The following HS6ST3 variants were observed in gnomAD, a reference collection of about 807,000 sequenced individuals.
HS6ST3 encodes the protein heparan-sulfate 6-O-sulfotransferase 3.
HS6ST3 carries 12 observed loss-of-function variants against 36.7 expected under a neutral mutation model. The observed-to-expected ratio is 0.33, with a 90% CI of 0.21 to 0.53. HS6ST3 has a LOEUF of 0.53. HS6ST3 is among the 20% of genes least tolerant of loss of function. The pLI, the probability that HS6ST3 is intolerant of heterozygous loss-of-function variation, is 0.95. For missense variants in HS6ST3, 584 were observed against 640.9 expected, an observed-to-expected ratio of 0.91 and a Z score of 0.96; for synonymous variants, 240 against 257.5, an observed-to-expected ratio of 0.93 and a Z score of 0.65.
Position 96,832,907 on chromosome 13 carries a change from C to G in HS6ST3, c.1125C>G (p.Pro375=). The change falls in exon 2 of 2, where the codon CCC becomes CCG. Residue 375 remains proline, a synonymous_variant. Transcript: ENST00000376705. ...ERTFNLKFIS[P]FTQFNITRAS... ...CATTCAACCTCAAGTTCATCTCCCC[C>G]TTCACACAGTTCAACATCACGCGGG... 1 of 1,614,204 alleles carries G rather than the reference C, an allele frequency of 6.2e-7. No homozygotes were observed. Among genetic ancestry groups the G allele is most frequent in the Non-Finnish European group, 8.5e-7 (1 of 1,180,030 alleles).
intron 1 of HS6ST3, among the ~76,000 whole-genome samples, chr13:96,503,397 A>C (rs901739884): frequency 1.7e-4 from 26 of 152,230 alleles, no homozygotes; most frequent in African/African-American, 5.8e-4. Flanking sequence ...ATGAATTCAC[A>C]GAAAACAATT....
intron 1 of HS6ST3, among the ~76,000 whole-genome samples, chr13:96,591,468 G>T (rs895484177): frequency 2.0e-5 from 3 of 151,930 alleles, no homozygotes; most frequent in Admixed American, 1.3e-4. Context: ...TTCTAAATGG[G>T]ATTACTTTTT....
At chr13:96,639,608 G>T (rs1445857669) in intron 1 of HS6ST3, among the ~76,000 whole-genome samples, 1 of 151,862 alleles carries the variant, frequency 6.6e-6, no homozygotes, top group Non-Finnish European at 1.5e-5. Flanking sequence ...TGGATATATT[G>T]TGTGGTGCTG....
chr13:96,289,887 A>G lies in HS6ST3; in HGVS notation c.707+198318A>G, dbSNP rs548364195. ...GTTAGCGAGTGTGAGGATTAAAGAA[A>G]GAGAAGCAAGAGAACATGACGTGTT... On this transcript the variant is annotated intron_variant, in intron 1 of 1. Coordinates refer to ENST00000376705, the MANE Select transcript of HS6ST3 (RefSeq NM_153456.4). 2.0e-5 allele frequency among the ~76,000 whole-genome samples: 3 copies of G among 152,272 alleles called. No individual in the cohort carries two copies. The South Asian group carries it at 6.2e-4, about 32-fold the overall frequency.
At chr13:96,661,951 G>T (rs1415379252) in intron 1 of HS6ST3, among the ~76,000 whole-genome samples, 1 of 152,058 alleles carries the variant, frequency 6.6e-6, no homozygotes, top group African/African-American at 2.4e-5. Context: ...TAAATTTTCT[G>T]CTAAGAAGTC....
At chr13:96,741,896 G>A (rs1876447515) in intron 1 of HS6ST3, among the ~76,000 whole-genome samples, 1 of 151,984 alleles carries the variant, frequency 6.6e-6, no homozygotes, top group African/African-American at 2.4e-5. Flanking sequence ...TGAATACGGG[G>A]GTCTGATGAC....
At chr13:96,363,952 A>G (rs909989746) in intron 1 of HS6ST3, among the ~76,000 whole-genome samples, 2 of 152,176 alleles carry the variant, frequency 1.3e-5, no homozygotes, top group Admixed American at 1.3e-4. Context: ...TGAAAATATA[A>G]GAAAAGAAAA....
At chr13:96,146,039 C>G (rs1429015943) in intron 1 of HS6ST3, among the ~76,000 whole-genome samples, 1 of 152,150 alleles carries the variant, frequency 6.6e-6, no homozygotes, top group East Asian at 1.9e-4. Context: ...CAGTACCATG[C>G]TGTTTTGATT....
At position 96,265,419 on chromosome 13, in the gene HS6ST3, A is replaced by G. The variant is rs181449218; in HGVS notation, c.707+173850A>G. 1.2e-4 allele frequency among the ~76,000 whole-genome samples: 18 copies of G among 152,182 alleles called. No homozygotes were observed. In the East Asian group the frequency reaches 3.3e-3, roughly 28 times the overall value. ...GGTCTCAAACTCCTGGACTTAAACA[A>G]TCCTCCTGCCTCGGCCTCCCAAAGT... On this transcript the variant is annotated intron_variant, in intron 1 of 1. Transcript: ENST00000376705.
chr13:96,785,493 G>A (rs986132196), intron 1 of HS6ST3, among the ~76,000 whole-genome samples: 2 of 152,140 alleles, frequency 1.3e-5, no homozygotes, highest in Admixed American at 6.5e-5. Context: ...GCCATTTCAC[G>A]TGGTTCAACC....
chr13:96,352,292 G>T (rs2055187690), intron 1 of HS6ST3, among the ~76,000 whole-genome samples: 6 of 152,178 alleles, frequency 3.9e-5, no homozygotes. Flanking sequence ...GATGGTTCTG[G>T]GTTGGAATCT....
chr13:96,159,069 ACAGCAAAGC>A (rs1464136487), intron 1 of HS6ST3, among the ~76,000 whole-genome samples: 3 of 152,212 alleles, frequency 2.0e-5, no homozygotes, highest in Admixed American at 2.0e-4. Flanking sequence ...TTGTGTGCTG[ACAGCAAAGC>A]CAGGAAGGAG....
At chr13:96,736,888 G>C in intron 1 of HS6ST3, among the ~76,000 whole-genome samples, 1 of 152,098 alleles carries the variant, frequency 6.6e-6, no homozygotes, top group East Asian at 1.9e-4. Flanking sequence ...AACCCAAACT[G>C]TAATACATTC....
At chr13:96,622,892 A>G (rs2056499752) in intron 1 of HS6ST3, among the ~76,000 whole-genome samples, 1 of 151,954 alleles carries the variant, frequency 6.6e-6, no homozygotes, top group Non-Finnish European at 1.5e-5. Context: ...TAATTGCTCT[A>G]TTTCTAGACA....
At chr13:96,196,829 C>T (rs1330483393) in intron 1 of HS6ST3, among the ~76,000 whole-genome samples, 2 of 152,218 alleles carry the variant, frequency 1.3e-5, no homozygotes, top group African/African-American at 4.8e-5. Context: ...ACTGATATTG[C>T]CATAGGGCAG....
chr13:96,184,401 T>C (rs761001687), intron 1 of HS6ST3, among the ~76,000 whole-genome samples: 14 of 152,152 alleles, frequency 9.2e-5, no homozygotes, highest in Non-Finnish European at 2.1e-4. Flanking sequence ...AACATTCAGC[T>C]ACTCGAATGT....
At chr13:96,238,276 G>A (rs933194889) in intron 1 of HS6ST3, among the ~76,000 whole-genome samples, 1 of 152,128 alleles carries the variant, frequency 6.6e-6, no homozygotes, top group African/African-American at 2.4e-5. Flanking sequence ...ACAGGCCCAT[G>A]TCTACCATCA....
chr13:96,388,371 A>T (rs892351953), intron 1 of HS6ST3, among the ~76,000 whole-genome samples: 1 of 152,226 alleles, frequency 6.6e-6, no homozygotes, highest in African/African-American at 2.4e-5. Flanking sequence ...TATGCCTGAT[A>T]AATATATTCT....
intron 1 of HS6ST3, among the ~76,000 whole-genome samples, chr13:96,128,484 C>A (rs150324467): frequency 1.3e-5 from 2 of 152,292 alleles, no homozygotes; most frequent in Non-Finnish European, 2.9e-5. Flanking sequence ...TCGGCTGAGG[C>A]TCTCCTCCTT....
Sources: allele counts gnomAD v4.1 joint callset (sites outside exome capture counted in the v4.1 genomes callset), GRCh38; gene constraint gnomAD v4.1.1; transcripts MANE v1.5; gene names NCBI Gene and HGNC (gene_info 2026-07-23, HGNC 2026-07-21).